SLC35B1: variants seen among roughly 807,000 people sequenced by gnomAD.
The protein encoded by SLC35B1 is ATP/ADP exchanger ER.
In SLC35B1, 27 loss-of-function variants were observed where a neutral mutation model predicts 36.6. The ratio of observed to expected loss-of-function variants is 0.74; its 90% CI spans 0.54 to 1.02. The LOEUF is 1.02. SLC35B1 is among the 50% of genes least tolerant of loss of function. SLC35B1 has a pLI of 0.00. For missense variants in SLC35B1, 321 were observed against 383.2 expected, an observed-to-expected ratio of 0.84 and a Z score of 1.35; for synonymous variants, 162 against 152.5, an observed-to-expected ratio of 1.06 and a Z score of -0.46.
Position 49,706,347 on chromosome 17 carries a change from AAAAAAAAAAAAAAAAAAAGAAAAGAAAAG to A in SLC35B1, c.209-42_209-14del, listed in dbSNP as rs1363282986. 40 of 52,370 alleles carry A rather than the reference AAAAAAAAAAAAAAAAAAAGAAAAGAAAAG, an allele frequency of 7.6e-4. No individual in the cohort carries two copies. Among genetic ancestry groups the A allele is most frequent in the African/African-American group, 2.2e-3 (7 of 3,240 alleles). The allele number at this position is 52,370 out of a possible 1,614,324, so 3.2% of individuals were successfully genotyped here. A position where few individuals can be genotyped will look rare whatever the true frequency, so the allele number is the denominator to read the frequency against. ...AAAAACTGGATCACTGGGAGAAGACAAAAAAAAAAAAAAAAAAAGAAAAGAAAAGAAAAAAAAAAAAAAACAAGAGAAAC... is the reference window on the plus strand; with the variant it reads ...AAAAACTGGATCACTGGGAGAAGACAAAAAAAAAAAAAAAACAAGAGAAAC... On this transcript the variant is annotated splice_polypyrimidine_tract_variant and intron_variant, in intron 2 of 8. Transcript: ENST00000240333.
chr17:49,705,537 T>C lies in SLC35B1; in HGVS notation c.371-256A>G, dbSNP rs191959602. The C allele has an allele frequency of 3.8e-4, 223 of 583,662 alleles. 1 individual carries two copies. In the African/African-American group the frequency reaches 3.9e-3, roughly 10 times the overall value. 36.2% of individuals were successfully genotyped at this position (583,662 alleles called of 1,614,324 possible). A position where few individuals can be genotyped will look rare whatever the true frequency, so the allele number is the denominator to read the frequency against. On this transcript the variant is annotated intron_variant, in intron 4 of 8. Coordinates refer to ENST00000240333, the MANE Select transcript of SLC35B1 (RefSeq NM_005827.4). ...GGGACAGGACAAGGGTAGGGAACAG[T>C]GGAGAAGGAAAAGAAGTTGAGATAA...
intron 8 of SLC35B1, 195 bp from the exon 9 acceptor site, chr17:49,701,705 T>G: frequency 1.8e-6 from 1 of 546,432 alleles, no homozygotes; most frequent in Admixed American, 3.1e-5. Context: ...TACAGATATC[T>G]GTATCTATAT....
rs375347133 is a variant in SLC35B1 at position 49,707,744 on chromosome 17, G to A, written c.90C>T (p.Ile30=). ...GVFVCYFYYG[I]LQEKITRGKY... ...GGGTCGCTCACATCTTTTCCTGCAG[G>A]ATCCCATAGTAAAAATAGCAGACAA... The change falls in exon 1 of 9, where the codon ATC becomes ATT. Residue 30 remains isoleucine (I), a synonymous_variant. Coordinates refer to ENST00000240333, the MANE Select transcript of SLC35B1 (RefSeq NM_005827.4). 4 of 1,611,994 alleles carry A rather than the reference G, an allele frequency of 2.5e-6. No individual in the cohort carries two copies. Among genetic ancestry groups the A allele is most frequent in the Non-Finnish European group, 3.4e-6 (4 of 1,179,834 alleles).
At chr17:49,707,243 G>C (rs2073430541) in intron 1 of SLC35B1, 175 bp from the exon 2 acceptor site, 2 of 1,417,562 alleles carry the variant, frequency 1.4e-6, no homozygotes, top group Non-Finnish European at 1.9e-6. Context: ...ACTGGATCTA[G>C]AAACTAGACA....
At chr17:49,703,385 T>G in intron 6 of SLC35B1, 91 bp from the exon 7 acceptor site, 1 of 817,178 alleles carries the variant, frequency 1.2e-6, no homozygotes, top group Non-Finnish European at 2.1e-6. Context: ...CAGACACTCC[T>G]GCACATGGCC....
intron 2 of SLC35B1, 75 bp from the exon 3 acceptor site, chr17:49,706,409 G>A: frequency 7.3e-7 from 1 of 1,362,626 alleles, no homozygotes; most frequent in Non-Finnish European, 9.6e-7. Flanking sequence ...AACCTGGTGG[G>A]GCTAGGATGG....
intron 5 of SLC35B1, 73 bp from the exon 6 acceptor site, chr17:49,704,299 TCA>T (rs1031455660): frequency 6.4e-7 from 1 of 1,569,394 alleles, no homozygotes; most frequent in African/African-American, 1.3e-5. Flanking sequence ...CACAGGATTC[TCA>T]CTCTCAGGCT....
Position 49,702,965 on chromosome 17 carries a change from G to C in SLC35B1, c.809C>G (p.Ser270Cys). 1 of 1,614,088 alleles carries C rather than the reference G, an allele frequency of 6.2e-7. No individual in the cohort carries two copies. The highest frequency in any genetic ancestry group is 8.5e-7 in the Non-Finnish European group (1 of 1,180,030). The stretch of plus-strand genomic sequence containing the variant: ...GAACTTTCGAGTTGTAGTGATGATG[G>C]AGCAGGTCAGGGGACCAAAATACAC... The part of the protein sequence containing the change: ...TVVYFGPLTC[S>C]IITTTRKFFT... The change falls in exon 8 of 9, where the codon TCC becomes TGC. Residue 270 changes from serine (S) to cysteine (C), a missense_variant. Coordinates refer to ENST00000240333, the MANE Select transcript of SLC35B1 (RefSeq NM_005827.4).
At chr17:49,708,020 G>A (rs1229147116), upstream of SLC35B1, 19 of 1,309,752 alleles carry the variant, frequency 1.5e-5, no homozygotes, top group Non-Finnish European at 1.9e-5. Context: ...CTGCCAAGGG[G>A]GAAACTCCTC....
At chr17:49,704,432 G>T (rs894696337) in intron 5 of SLC35B1, among the ~76,000 whole-genome samples, 1 of 148,130 alleles carries the variant, frequency 6.8e-6, no homozygotes, top group African/African-American at 2.5e-5. Flanking sequence ...CCACGCACTG[G>T]ACTGACAGGC....
Position 49,705,283 on chromosome 17 carries a change from T to C in SLC35B1, c.371-2A>G, listed in dbSNP as rs1312890644. The C allele has an allele frequency of 6.2e-7, 1 of 1,613,624 alleles. No individual in the cohort carries two copies. The highest frequency in any genetic ancestry group is 1.1e-5 in the South Asian group (1 of 91,038). ...AGAGGGTCACCCCAAGGAGCATGAC[T>C]ACAGGGAAAAAACAGAGTGGAAAAT... On this transcript the variant is annotated splice_acceptor_variant, in intron 4 of 8. Transcript: ENST00000240333. LOFTEE classifies it high-confidence loss of function.
intron 1 of SLC35B1, 172 bp from the exon 2 acceptor site, chr17:49,707,240 C>T: frequency 1.4e-6 from 2 of 1,408,160 alleles, no homozygotes; most frequent in Admixed American, 4.6e-5. Context: ...TTTACTGGAT[C>T]TAGAAACTAG....
chr17:49,701,914 ACCCCATCGCT>A, intron 8 of SLC35B1: 1 of 325,470 alleles, frequency 3.1e-6, no homozygotes, highest in Non-Finnish European at 6.2e-6. Flanking sequence ...ACACAGCAAG[ACCCCATCGCT>A]ACAAAAAAAA....
chr17:49,703,375 C>G (rs1184142130), intron 6 of SLC35B1, 81 bp from the exon 7 acceptor site: 12 of 576,270 alleles, frequency 2.1e-5, no homozygotes, highest in East Asian at 3.4e-5. Flanking sequence ...CACACACACA[C>G]AGACACTCCT....
In SLC35B1 at chr17:49,707,921, G is replaced by A. The variant is rs1282061263; in HGVS notation, c.-88C>T. The A allele has an allele frequency of 6.4e-7, 1 of 1,572,616 alleles. No homozygotes were observed. The highest frequency in any genetic ancestry group is 1.9e-5 in the Admixed American group (1 of 52,318). On this transcript the variant is annotated 5_prime_UTR_variant, in exon 1 of 9. Transcript: ENST00000240333. Reference sequence around the variant, plus strand: ...GAGGCGACAGCTCCAGCCGGACATCGCCGACCGGCGGCAGGGGCCTCATAG... The same window carrying A: ...GAGGCGACAGCTCCAGCCGGACATCACCGACCGGCGGCAGGGGCCTCATAG...
chr17:49,707,582 T>TGGAATTTTG, intron 1 of SLC35B1, 148 bp downstream of exon 1: 1 of 1,464,392 alleles, frequency 6.8e-7, no homozygotes, highest in Non-Finnish European at 9.1e-7. Context: ...CTGGGTAGGC[T>TGGAATTTTG]CAGCCATAGC....
chr17:49,706,941 A>G (rs756154363), intron 2 of SLC35B1, 24 bp downstream of exon 2: 1 of 1,560,318 alleles, frequency 6.4e-7, no homozygotes, highest in Non-Finnish European at 8.8e-7. Context: ...GGGGTACCCA[A>G]CAAATTACTA....
chr17:49,704,368 A>G, intron 5 of SLC35B1, 142 bp from the exon 6 acceptor site: 2 of 1,033,966 alleles, frequency 1.9e-6, no homozygotes, highest in Non-Finnish European at 2.8e-6. Context: ...ATTTGGTCAC[A>G]GGTGGAAGGT....
In SLC35B1 at chr17:49,703,348, G is replaced by GCA. The variant is rs10595474; in HGVS notation, c.656-56_656-55dup. On this transcript the variant is annotated intron_variant, in intron 6 of 8. Transcript: ENST00000240333. The stretch of plus-strand genomic sequence containing the variant: ...CGCATTTTGTGCACACAAAATGTGC[G>GCA]CACACACACACACACACACACACAC... 3,693 of 704,316 alleles carry GCA rather than the reference G, an allele frequency of 5.2e-3. 5 individuals are homozygous for GCA. Among genetic ancestry groups the GCA allele is most frequent in the Non-Finnish European group, 7.6e-3 (2,980 of 393,414 alleles). 43.6% of individuals were successfully genotyped at this position (704,316 alleles called of 1,614,324 possible).
Sources: allele counts gnomAD v4.1 joint callset (sites outside exome capture counted in the v4.1 genomes callset), GRCh38; gene constraint gnomAD v4.1.1; transcripts MANE v1.5; gene names NCBI Gene and HGNC (gene_info 2026-07-23, HGNC 2026-07-21).